Variants in HEPHL1 observed in about 807,000 individuals in gnomAD.
The protein encoded by HEPHL1 is ferroxidase HEPHL1.
Under a neutral mutation model 122.0 loss-of-function variants are expected in HEPHL1, and 123 were observed. The ratio of observed to expected loss-of-function variants is 1.01; its 90% CI spans 0.87 to 1.17. The LOEUF (loss-of-function observed/expected upper bound fraction) is 1.17. Among genes scored for constraint, HEPHL1 ranks in the 50% most tolerant of loss-of-function variants. The pLI, the probability that HEPHL1 is intolerant of heterozygous loss-of-function variation, is 0.00. For synonymous variants in HEPHL1, 527 were observed against 508.9 expected (o/e 1.04, Z -0.48); for missense variants, 1,452 against 1,430.5 (o/e 1.01, Z -0.24).
At position 94,111,526 on chromosome 11, in the gene HEPHL1, T is replaced by C. The variant is rs1369519068; in HGVS notation, c.3209-11T>C. The stretch of plus-strand genomic sequence containing the variant: ...TGTTAATAAAACAATGAACTTGTTT[T>C]CTTTGTGCAGACAACAGGATTCCTT... On this transcript the variant is annotated splice_polypyrimidine_tract_variant and intron_variant, in intron 18 of 19. Coordinates refer to ENST00000315765, the MANE Select transcript of HEPHL1 (RefSeq NM_001098672.2). 1 of 1,588,024 alleles carries C rather than the reference T, an allele frequency of 6.3e-7. No homozygotes were observed. Among genetic ancestry groups the C allele is most frequent in the Non-Finnish European group, 8.6e-7 (1 of 1,165,452 alleles).
intron 12 of HEPHL1, among the ~76,000 whole-genome samples, chr11:94,089,627 G>A (rs1444771396): frequency 1.3e-5 from 2 of 152,170 alleles, no homozygotes; most frequent in African/African-American, 2.4e-5. Flanking sequence ...CAGAGTCCAG[G>A]AACCAAGATC....
At chr11:94,068,517 C>T (rs183086065) in intron 5 of HEPHL1, among the ~76,000 whole-genome samples, 3 of 152,244 alleles carry the variant, frequency 2.0e-5, no homozygotes, top group East Asian at 1.9e-4. Flanking sequence ...AGACATCATA[C>T]ACTATGTCCT....
intron 13 of HEPHL1, among the ~76,000 whole-genome samples, chr11:94,094,756 T>C (rs1946296146): frequency 6.6e-6 from 1 of 152,228 alleles, no homozygotes; most frequent in Non-Finnish European, 1.5e-5. Flanking sequence ...CCAGTGATGA[T>C]GAGCATTTTT....
chr11:94,053,996 A>G (rs1389823214), intron 2 of HEPHL1, among the ~76,000 whole-genome samples: 7 of 152,208 alleles, frequency 4.6e-5, no homozygotes, highest in East Asian at 3.8e-4. Flanking sequence ...CAAGTCTCCT[A>G]TATCCTTGCT....
At chr11:94,051,387 A>G (rs1227350217) in intron 2 of HEPHL1, among the ~76,000 whole-genome samples, 6 of 152,088 alleles carry the variant, frequency 3.9e-5, no homozygotes, top group Non-Finnish European at 8.8e-5. Context: ...TTTGATTTAT[A>G]TTTCTCTGAT....
chr11:94,036,535 T>C (rs1261262847), intron 1 of HEPHL1, among the ~76,000 whole-genome samples: 1 of 151,920 alleles, frequency 6.6e-6, no homozygotes, highest in African/African-American at 2.4e-5. Context: ...GCTTCTAGAG[T>C]CTTCTAGATC....
chr11:94,100,104 C>T (rs1156754769), intron 13 of HEPHL1, among the ~76,000 whole-genome samples: 1 of 152,192 alleles, frequency 6.6e-6, no homozygotes, highest in African/African-American at 2.4e-5. Flanking sequence ...CTGCGTCGCT[C>T]ACACTGGGAG....
intron 13 of HEPHL1, among the ~76,000 whole-genome samples, chr11:94,094,162 C>T (rs188840611): frequency 0.025 from 3,807 of 151,368 alleles, 169 homozygotes; most frequent in African/African-American, 0.087. Context: ...CCCTACCCCA[C>T]GACAGGCCCT....
intron 13 of HEPHL1, among the ~76,000 whole-genome samples, chr11:94,095,590 G>A (rs992775993): frequency 6.6e-6 from 1 of 152,010 alleles, no homozygotes; most frequent in African/African-American, 2.4e-5. Context: ...TTGGGCAATG[G>A]CAGTATGGCC....
intron 10 of HEPHL1, among the ~76,000 whole-genome samples, chr11:94,085,429 C>G (rs1464827272): frequency 6.6e-6 from 1 of 152,092 alleles, no homozygotes; most frequent in African/African-American, 2.4e-5. Context: ...CTTAAGTACC[C>G]CCTAAAAAAC....
At chr11:94,023,137 C>T (rs890548420) in intron 1 of HEPHL1, among the ~76,000 whole-genome samples, 2 of 152,122 alleles carry the variant, frequency 1.3e-5, no homozygotes, top group Non-Finnish European at 2.9e-5. Flanking sequence ...TAAATACTTG[C>T]CGGAGTTTAT....
At chr11:94,091,831 G>A (rs1946265426) in intron 12 of HEPHL1, among the ~76,000 whole-genome samples, 1 of 152,260 alleles carries the variant, frequency 6.6e-6, no homozygotes, top group Admixed American at 6.5e-5. Context: ...AACAACCTGT[G>A]TAAAGGCCTG....
intron 9 of HEPHL1, among the ~76,000 whole-genome samples, chr11:94,075,698 A>C (rs1946117663): frequency 6.6e-6 from 1 of 152,112 alleles, no homozygotes; most frequent in African/African-American, 2.4e-5. Flanking sequence ...AATTGGAATT[A>C]TTCTTCTTGG....
chr11:94,098,153 C>T (rs1946334642), intron 13 of HEPHL1, among the ~76,000 whole-genome samples: 8 of 152,184 alleles, frequency 5.3e-5, no homozygotes. Context: ...GTGGCTGGTA[C>T]TGATTGTTCC....
At chr11:94,055,595 A>T (rs1182499268) in intron 2 of HEPHL1, 4 of 319,262 alleles carry the variant, frequency 1.3e-5, no homozygotes, top group African/African-American at 8.5e-5. Flanking sequence ...CGGTAACATG[A>T]GGATCTCTTA....
At chr11:94,097,463 C>T (rs1019810890) in intron 13 of HEPHL1, among the ~76,000 whole-genome samples, 20 of 152,154 alleles carry the variant, frequency 1.3e-4, no homozygotes, top group Middle Eastern at 6.8e-3. Flanking sequence ...GGAATAAGTG[C>T]GATGTGGTGC....
At chr11:94,049,812 A>G (rs1340855008) in intron 2 of HEPHL1, among the ~76,000 whole-genome samples, 5 of 151,974 alleles carry the variant, frequency 3.3e-5, no homozygotes, top group Non-Finnish European at 7.4e-5. Flanking sequence ...CTTTTTGGCT[A>G]TTTAGGTTCT....
At chr11:94,033,987 G>A (rs1456004840) in intron 1 of HEPHL1, among the ~76,000 whole-genome samples, 1 of 152,142 alleles carries the variant, frequency 6.6e-6, no homozygotes, top group Non-Finnish European at 1.5e-5. Flanking sequence ...AGAGAATGAG[G>A]AAGACCACTG....
chr11:94,080,361 C>G (rs1441347560), intron 9 of HEPHL1, among the ~76,000 whole-genome samples: 3 of 152,180 alleles, frequency 2.0e-5, no homozygotes, highest in African/African-American at 7.2e-5. Context: ...AAAATCTAGG[C>G]AATACCATTC....
Sources: gnomAD v4.1 joint callset for allele counts (sites outside exome capture counted in the v4.1 genomes callset) on GRCh38, gnomAD v4.1.1 for gene constraint, MANE v1.5 for transcripts, NCBI Gene and HGNC (gene_info 2026-07-23, HGNC 2026-07-21) for gene names.